SPATA21: variants seen among roughly 807,000 people sequenced by gnomAD.
SPATA21 encodes the protein spermatogenesis-associated protein 21.
SPATA21 carries 47 observed loss-of-function variants against 54.8 expected under a neutral mutation model. That is an observed-to-expected ratio of 0.86 (90% CI 0.68 to 1.09). SPATA21 has a LOEUF of 1.09. Among genes scored for constraint, SPATA21 ranks in the 50% least tolerant of loss-of-function variants. The pLI is 0.00. For missense variants in SPATA21, 599 were observed against 596.4 expected (o/e 1.00, Z -0.05); for synonymous variants, 245 against 235.3 (o/e 1.04, Z -0.38).
chr1:16,414,671 G>C (rs577969109), intron 5 of SPATA21, among the ~76,000 whole-genome samples: 1 of 152,116 alleles, frequency 6.6e-6, no homozygotes, highest in Non-Finnish European at 1.5e-5. Flanking sequence ...GAGGCAGGCA[G>C]ATCACCTGAG....
At chr1:16,425,178 TG>T (rs1278893057) in intron 3 of SPATA21, 1 of 479,842 alleles carries the variant, frequency 2.1e-6, no homozygotes, top group Non-Finnish European at 4.1e-6. Flanking sequence ...CCAGAAGTGC[TG>T]GGATTAACAG....
chr1:16,408,364 TG>T, intron 7 of SPATA21: 1 of 605,602 alleles, frequency 1.7e-6, no homozygotes, highest in Non-Finnish European at 2.1e-6. Flanking sequence ...ATGTTTAGGC[TG>T]GTGGCCTTGT....
chr1:16,399,931 A>G (rs2085391068), intron 11 of SPATA21, among the ~76,000 whole-genome samples: 1 of 152,182 alleles, frequency 6.6e-6, no homozygotes, highest in Non-Finnish European at 1.5e-5. Context: ...CCCAGTGGAA[A>G]GAGCATAGAT....
At position 16,398,650 on chromosome 1, in the gene SPATA21, A is replaced by G. The variant is rs2085353189; in HGVS notation, c.*115T>C. Reference sequence around the variant, plus strand: ...GGCAAGAGGCACAGAGGCTGAAGTTATTGGTGTTTATTAGCTCACCAGGCC... The same window carrying G: ...GGCAAGAGGCACAGAGGCTGAAGTTGTTGGTGTTTATTAGCTCACCAGGCC... On this transcript the variant is annotated 3_prime_UTR_variant, in exon 13 of 13. Coordinates refer to ENST00000335496, the MANE Select transcript of SPATA21 (RefSeq NM_198546.1). The G allele has an allele frequency of 1.8e-6, 2 of 1,137,234 alleles. No homozygotes were observed. Among genetic ancestry groups the G allele is most frequent in the Non-Finnish European group, 2.6e-6 (2 of 771,770 alleles). 70.4% of individuals were successfully genotyped at this position (1,137,234 alleles called of 1,614,324 possible).
rs2086358400 is a variant in SPATA21, at chr1:16,427,747, G to A, written c.34+3591C>T. The A allele has an allele frequency of 5.5e-6, 6 of 1,085,816 alleles. 1 individual carries two copies. In the East Asian group the frequency reaches 1.6e-4, roughly 29 times the overall value. The allele number at this position is 1,085,816 out of a possible 1,614,324, so 67.3% of individuals were successfully genotyped here. The stretch of plus-strand genomic sequence containing the variant: ...GTGCAATGAAAGAGAAGGACAAGGT[G>A]CTGTCGTGGGTGGAGCTGCCTTGGC... On this transcript the variant is annotated intron_variant, in intron 3 of 12. Coordinates refer to ENST00000335496, the MANE Select transcript of SPATA21 (RefSeq NM_198546.1).
Position 16,433,209 on chromosome 1 carries a change from C to G in SPATA21, c.-186-285G>C, listed in dbSNP as rs74609121. ...CAGTTTACCAGGGACACAGAGGAGG[C>G]GCACTTAATAGCTGCTGACCCAAGT... On this transcript the variant is annotated intron_variant, in intron 1 of 12. Coordinates refer to ENST00000335496, the MANE Select transcript of SPATA21 (RefSeq NM_198546.1). Among the ~76,000 whole-genome samples the G allele has an allele frequency of 1.9e-3, 282 of 152,358 alleles. 1 individual carries two copies. Among genetic ancestry groups the G allele is most frequent in the Non-Finnish European group, 3.0e-3 (206 of 68,030 alleles).
chr1:16,436,084 C>T (rs2086578746), intron 1 of SPATA21, among the ~76,000 whole-genome samples: 1 of 151,826 alleles, frequency 6.6e-6, no homozygotes. Flanking sequence ...AACCCCATCT[C>T]TACTAAAGAT....
At chr1:16,425,518 G>C (rs756360555) in intron 3 of SPATA21, 1 of 1,548,358 alleles carries the variant, frequency 6.5e-7, no homozygotes, top group African/African-American at 1.4e-5. Flanking sequence ...AGATCTCCTA[G>C]GTTACCTGGC....
Position 16,409,173 on chromosome 1 carries a change from CT to C in SPATA21, c.617del (p.Lys206SerfsTer13). ...CGGACTTCTCCCGGTTTTGATAAAGCTTTTGGAGGCTCTGCTCTTCCGGCTC... is the reference window on the plus strand; with the variant it reads ...CGGACTTCTCCCGGTTTTGATAAAGCTTTGGAGGCTCTGCTCTTCCGGCTC... ...RQEPEEQSLQ[K>X]LYQNREKSEE... On this transcript the variant is annotated frameshift_variant, in exon 7 of 13. Transcript: ENST00000335496. LOFTEE classifies it high-confidence loss of function. The surrounding 1 kb of genome is among the most constrained non-coding windows in gnomAD (Gnocchi z 4.1). The C allele has an allele frequency of 6.2e-7, 1 of 1,614,144 alleles. No homozygotes were observed. Among genetic ancestry groups the C allele is most frequent in the Non-Finnish European group, 8.5e-7 (1 of 1,180,020 alleles).
chr1:16,410,090 G>A (rs758077266), intron 5 of SPATA21, 47 bp from the exon 6 acceptor site: 12 of 1,447,892 alleles, frequency 8.3e-6, no homozygotes, highest in Non-Finnish European at 1.1e-5. Context: ...GGGCCAGAGT[G>A]TCCCACAAAT....
In SPATA21 at chr1:16,405,022, G is replaced by A. The variant is rs749173937; in HGVS notation, c.756C>T (p.Gly252=). Residue 252 remains glycine (G), a synonymous_variant, in exon 8 of 13, where the codon GGC becomes GGT. Coordinates refer to ENST00000335496, the MANE Select transcript of SPATA21 (RefSeq NM_198546.1). The part of the protein sequence containing the change: ...QSLKNILLLM[G]FSVTLAQVED... ...CCACCTGGGCCAGCGTCACAGAGAA[G>A]CCCATTAGGAGCAGGATATTCTTCA... The A allele has an allele frequency of 1.7e-5, 27 of 1,609,212 alleles. No homozygotes were observed. Among genetic ancestry groups the A allele is most frequent in the Non-Finnish European group, 2.2e-5 (26 of 1,178,594 alleles).
intron 5 of SPATA21, among the ~76,000 whole-genome samples, chr1:16,420,351 G>C (rs2086133547): frequency 6.6e-6 from 1 of 151,914 alleles, no homozygotes; most frequent in Admixed American, 6.6e-5. Flanking sequence ...GGGCTGCAAA[G>C]GGGAGCAAGG....
chr1:16,423,839 G>A (rs2086242357), intron 3 of SPATA21, among the ~76,000 whole-genome samples: 2 of 151,878 alleles, frequency 1.3e-5, no homozygotes, highest in African/African-American at 2.4e-5. Flanking sequence ...CACCGCACCC[G>A]ACCTAGATGA....
At position 16,424,415 on chromosome 1, in the gene SPATA21, A is replaced by T. The variant is rs184476935; in HGVS notation, c.35-2444T>A. Reference sequence around the variant, plus strand: ...CATATCTTTTTAAAATTTTTTATTTATTTTTTTATTTTTATTTTTTTTGAG... The same window carrying T: ...CATATCTTTTTAAAATTTTTTATTTTTTTTTTTATTTTTATTTTTTTTGAG... On this transcript the variant is annotated intron_variant, in intron 3 of 12. Transcript: ENST00000335496. 3.8e-3 allele frequency among the ~76,000 whole-genome samples: 572 copies of T among 150,184 alleles called. 3 individuals carry two copies. The highest frequency in any genetic ancestry group is 0.013 in the African/African-American group (523 of 40,928).
intron 5 of SPATA21, among the ~76,000 whole-genome samples, chr1:16,417,121 G>A (rs528250321): frequency 2.0e-5 from 3 of 152,176 alleles, no homozygotes; most frequent in African/African-American, 4.8e-5. Flanking sequence ...CTTTTCAGCC[G>A]CTCTGTCCAT....
rs2085373423 is a variant in SPATA21 at position 16,399,401 on chromosome 1, G to T, written c.1295C>A (p.Pro432His). 1.2e-6 allele frequency: 2 copies of T among 1,614,076 alleles called. No individual in the cohort carries two copies. Among genetic ancestry groups the T allele is most frequent in the African/African-American group, 1.3e-5 (1 of 75,042 alleles). ...GCTGCGGATGTCAGGATCCAGGCCA[G>T]GGGGTGTGCACTGGTCTAGTGCATA... ...NHYALDQCTP[P>H]GLDPDIRSPF... Residue 432 changes from proline (P) to histidine (H), a missense_variant, in exon 12 of 13, where the codon CCT becomes CAT. Coordinates refer to ENST00000335496, the MANE Select transcript of SPATA21 (RefSeq NM_198546.1).
intron 2 of SPATA21, 26 bp from the exon 3 acceptor site, chr1:16,431,448 C>T: frequency 6.3e-7 from 1 of 1,587,482 alleles, no homozygotes; most frequent in African/African-American, 1.3e-5. Flanking sequence ...AATCAAGCGT[C>T]CCACCAAGCC....
chr1:16,422,143 C>A lies in SPATA21; in HGVS notation c.35-172G>T, dbSNP rs1220949189. On this transcript the variant is annotated intron_variant, in intron 3 of 12. Transcript: ENST00000335496. ...CTGGCCAAGCGGCAGCAAGGCTCTG[C>A]TGGCTGCACCATGTCTGCCTGGTGA... The A allele has an allele frequency of 9.5e-6, 14 of 1,472,064 alleles. No homozygotes were observed. In the African/African-American group the frequency reaches 1.8e-4, roughly 19 times the overall value. The allele number at this position is 1,472,064 out of a possible 1,614,324, so 91.2% of individuals were successfully genotyped here.
intron 10 of SPATA21, among the ~76,000 whole-genome samples, chr1:16,402,782 C>T (rs937895167): frequency 6.6e-6 from 1 of 151,944 alleles, no homozygotes; most frequent in Non-Finnish European, 1.5e-5. Context: ...TTTGGGAAGC[C>T]GGGCATGGTG....
Sources: allele counts gnomAD v4.1 joint callset (sites outside exome capture counted in the v4.1 genomes callset), GRCh38; gene constraint gnomAD v4.1.1; non-coding constraint Gnocchi (gnomAD v3.1); transcripts MANE v1.5; gene names NCBI Gene and HGNC (gene_info 2026-07-23, HGNC 2026-07-21).